HOXD3: variants seen among roughly 807,000 people sequenced by gnomAD.
HOXD3 encodes homeobox D3.
Under a neutral mutation model 32.8 loss-of-function variants are expected in HOXD3, and 13 were observed. That is an observed-to-expected ratio of 0.40 (90% CI 0.26 to 0.63). HOXD3 has a LOEUF of 0.63. Ranked by LOEUF, HOXD3 falls within the 20% of genes least tolerant of loss-of-function variation. The pLI is 0.44. For synonymous variants in HOXD3, 241 were observed against 246.8 expected (o/e 0.98, Z 0.22); for missense variants, 504 against 577.1 (o/e 0.87, Z 1.30).
At chr2:176,158,010 A>G (rs1690686150) in intron 1 of HOXD3, among the ~76,000 whole-genome samples, 2 of 152,164 alleles carry the variant, frequency 1.3e-5, no homozygotes, top group Admixed American at 1.3e-4. Context: ...AGGCTATAAA[A>G]TCGAGTTGAA....
At chr2:176,168,855 C>T (rs1691078657) in intron 2 of HOXD3, among the ~76,000 whole-genome samples, 176 bp from the exon 3 acceptor site, 1 of 152,194 alleles carries the variant, frequency 6.6e-6, no homozygotes, top group Non-Finnish European at 1.5e-5. Flanking sequence ...GCCTGGGCAA[C>T]AAGCAAGACA....
chr2:176,165,729 C>T (rs1401104070), intron 2 of HOXD3: 1 of 152,322 alleles, frequency 6.6e-6, no homozygotes, highest in East Asian at 1.9e-4. Context: ...TGCTCGACCA[C>T]CCCTCCCCCA....
intron 1 of HOXD3, among the ~76,000 whole-genome samples, chr2:176,163,661 C>T (rs1311764812): frequency 6.6e-6 from 1 of 152,228 alleles, no homozygotes; most frequent in Non-Finnish European, 1.5e-5. Flanking sequence ...GCAGCCTCCC[C>T]TGCCAAACCC....
chr2:176,166,388 G>A (rs1388943250), intron 2 of HOXD3, among the ~76,000 whole-genome samples: 5 of 152,214 alleles, frequency 3.3e-5, no homozygotes, highest in Non-Finnish European at 5.9e-5. Flanking sequence ...TGCTTCCACA[G>A]TTGTAAATGG....
intron 3 of HOXD3, among the ~76,000 whole-genome samples, 186 bp from the exon 4 acceptor site, chr2:176,171,331 T>C (rs1399869211): frequency 6.6e-6 from 1 of 152,124 alleles, no homozygotes; most frequent in Non-Finnish European, 1.5e-5. Flanking sequence ...GTAGGCCTAG[T>C]AGGGGGTTGG....
chr2:176,158,198 G>A (rs1373321334), intron 1 of HOXD3, among the ~76,000 whole-genome samples: 1 of 152,116 alleles, frequency 6.6e-6, no homozygotes, highest in Non-Finnish European at 1.5e-5. Context: ...TAAAATAAAC[G>A]CGAGAAGAAG....
At chr2:176,156,971 T>A (rs1574976228), upstream of HOXD3, among the ~76,000 whole-genome samples, 1 of 152,140 alleles carries the variant, frequency 6.6e-6, no homozygotes, top group Non-Finnish European at 1.5e-5. Flanking sequence ...TAATGGCTCC[T>A]CCCGTGCCCA....
chr2:176,153,561 G>A (rs939891812), upstream of HOXD3, among the ~76,000 whole-genome samples: 2 of 152,184 alleles, frequency 1.3e-5, no homozygotes, highest in African/African-American at 4.8e-5. Context: ...ATATTTATTT[G>A]TTGGGAAATG....
chr2:176,168,615 C>T (rs984032999), intron 2 of HOXD3, among the ~76,000 whole-genome samples: 1 of 147,276 alleles, frequency 6.8e-6, no homozygotes, highest in African/African-American at 2.7e-5. Flanking sequence ...GCATGGTGGG[C>T]ACCTGTAGCT....
chr2:176,157,910 G>T (rs779339074), intron 1 of HOXD3, among the ~76,000 whole-genome samples: 1 of 152,246 alleles, frequency 6.6e-6, no homozygotes, highest in Non-Finnish European at 1.5e-5. Flanking sequence ...CGCTGTCACG[G>T]CATCTGCCGC....
chr2:176,162,719 C>G (rs980202407), intron 1 of HOXD3, among the ~76,000 whole-genome samples: 2 of 152,134 alleles, frequency 1.3e-5, no homozygotes, highest in Non-Finnish European at 2.9e-5. Flanking sequence ...CCCCGGAACC[C>G]CCAGGCGCAA....
At chr2:176,159,579 G>A (rs898131786) in intron 1 of HOXD3, among the ~76,000 whole-genome samples, 4 of 152,250 alleles carry the variant, frequency 2.6e-5, no homozygotes, top group African/African-American at 7.2e-5. Context: ...GTGTGGCCCC[G>A]GCTGGGGGAG....
At chr2:176,155,700 G>A (rs1010728246), upstream of HOXD3, among the ~76,000 whole-genome samples, 5 of 152,212 alleles carry the variant, frequency 3.3e-5, no homozygotes, top group African/African-American at 1.2e-4. Flanking sequence ...GCTAGGTGTG[G>A]AAAAGCTCCA....
chr2:176,153,590 C>G (rs941039918), upstream of HOXD3, among the ~76,000 whole-genome samples: 1 of 152,132 alleles, frequency 6.6e-6, no homozygotes, highest in African/African-American at 2.4e-5. Context: ...AAATAACTGA[C>G]ACCTTCATGC....
At chr2:176,156,086 T>A (rs1690638923), upstream of HOXD3, among the ~76,000 whole-genome samples, 1 of 152,218 alleles carries the variant, frequency 6.6e-6, no homozygotes, top group Non-Finnish European at 1.5e-5. Flanking sequence ...CTCCCTCCTG[T>A]TTGGTGCCTT....
At chr2:176,159,194 G>GGC (rs1690721559) in intron 1 of HOXD3, among the ~76,000 whole-genome samples, 2 of 150,476 alleles carry the variant, frequency 1.3e-5, no homozygotes, top group African/African-American at 4.9e-5. Flanking sequence ...TGGCCGTCAG[G>GGC]TCGGCCTCTG....
At chr2:176,162,529 A>G (rs1214608920) in intron 1 of HOXD3, among the ~76,000 whole-genome samples, 3 of 152,140 alleles carry the variant, frequency 2.0e-5, no homozygotes, top group African/African-American at 7.2e-5. Context: ...GTTAAGGCTG[A>G]GAATCTGGGC....
chr2:176,154,873 G>A (rs1690612930), upstream of HOXD3, among the ~76,000 whole-genome samples: 1 of 152,204 alleles, frequency 6.6e-6, no homozygotes, highest in African/African-American at 2.4e-5. Flanking sequence ...ATGACAAAAA[G>A]CACAGAGTTC....
upstream of HOXD3, chr2:176,153,192 A>G (rs1427234045): frequency 3.7e-6 from 2 of 534,110 alleles, no homozygotes; most frequent in Non-Finnish European, 6.7e-6. Context: ...CTGAGAACAT[A>G]AAATCTTGGC....
Sources: gnomAD v4.1 joint callset for allele counts (sites outside exome capture counted in the v4.1 genomes callset) on GRCh38, gnomAD v4.1.1 for gene constraint, MANE v1.5 for transcripts, NCBI Gene and HGNC (gene_info 2026-07-23, HGNC 2026-07-21) for gene names.